RPS6KA2: variants seen among roughly 807,000 people sequenced by gnomAD.
RPS6KA2 encodes the protein ribosomal protein S6 kinase A2, also known as ribosomal protein S6 kinase alpha-2.
In RPS6KA2, 42 loss-of-function variants were observed where a neutral mutation model predicts 91.8. The ratio of observed to expected loss-of-function variants is 0.46; its 90% CI spans 0.36 to 0.59. RPS6KA2 has a LOEUF of 0.59. Among genes scored for constraint, RPS6KA2 ranks in the 20% least tolerant of loss-of-function variants. The pLI is 0.00. For missense variants in RPS6KA2, 798 were observed against 978.5 expected, an observed-to-expected ratio of 0.82 and a Z score of 2.46; for synonymous variants, 414 against 393.6, an observed-to-expected ratio of 1.05 and a Z score of -0.61.
intron 2 of RPS6KA2, among the ~76,000 whole-genome samples, chr6:166,691,158 T>C (rs2128571151): frequency 6.6e-6 from 1 of 152,254 alleles, no homozygotes; most frequent in East Asian, 1.9e-4. Flanking sequence ...CTTTTATACC[T>C]GACTCTGCCA....
At chr6:166,667,256 C>T (rs1788342168) in intron 2 of RPS6KA2, among the ~76,000 whole-genome samples, 1 of 152,134 alleles carries the variant, frequency 6.6e-6, no homozygotes, top group Non-Finnish European at 1.5e-5. Context: ...TTTAACGTCA[C>T]ATGTTTTACT....
intron 2 of RPS6KA2, among the ~76,000 whole-genome samples, chr6:166,688,616 G>A (rs1187370271): frequency 1.3e-5 from 2 of 152,230 alleles, no homozygotes; most frequent in East Asian, 1.9e-4. Flanking sequence ...GTCACCATGA[G>A]GAGGTGACAT....
chr6:166,697,009 T>C (rs767308490), intron 2 of RPS6KA2, among the ~76,000 whole-genome samples: 1 of 152,182 alleles, frequency 6.6e-6, no homozygotes, highest in South Asian at 2.1e-4. Context: ...TCTGCCTCCA[T>C]AGTTGTACGA....
intron 1 of RPS6KA2, among the ~76,000 whole-genome samples, chr6:166,593,049 T>A (rs1234891154): frequency 1.3e-5 from 2 of 152,058 alleles, no homozygotes. Flanking sequence ...CAGACACCAG[T>A]GAGCAAAAGA....
intron 2 of RPS6KA2, among the ~76,000 whole-genome samples, chr6:166,677,908 T>C (rs1234555801): frequency 6.6e-6 from 1 of 152,232 alleles, no homozygotes; most frequent in Non-Finnish European, 1.5e-5. Flanking sequence ...GCATTTTTTA[T>C]GATAAAACTC....
intron 2 of RPS6KA2, among the ~76,000 whole-genome samples, chr6:166,690,002 G>T (rs752796779): frequency 6.6e-6 from 1 of 152,232 alleles, no homozygotes; most frequent in Non-Finnish European, 1.5e-5. Flanking sequence ...CCCCAAGGAG[G>T]TGGCAGAGCT....
At chr6:166,677,462 G>C (rs1040113579) in intron 2 of RPS6KA2, among the ~76,000 whole-genome samples, 8 of 151,180 alleles carry the variant, frequency 5.3e-5, no homozygotes, top group African/African-American at 1.9e-4. Flanking sequence ...CCAGGCTCAA[G>C]CAACCCTCTT....
chr6:166,707,035 T>C (rs1324034270), intron 2 of RPS6KA2, among the ~76,000 whole-genome samples: 1 of 152,156 alleles, frequency 6.6e-6, no homozygotes, highest in African/African-American at 2.4e-5. Context: ...TAGAACAAAG[T>C]CCAACATACC....
chr6:166,504,370 A>G (rs1463448027), intron 6 of RPS6KA2, 136 bp downstream of exon 6: 10 of 574,952 alleles, frequency 1.7e-5, no homozygotes, highest in Non-Finnish European at 2.7e-5. Flanking sequence ...CTGCCGGCAC[A>G]AGAGTCTCCC....
At chr6:166,806,109 G>T (rs1779487224) in intron 2 of RPS6KA2, among the ~76,000 whole-genome samples, 1 of 152,182 alleles carries the variant, frequency 6.6e-6, no homozygotes, top group Non-Finnish European at 1.5e-5. Context: ...AAATTGAACA[G>T]AGTCTAAGGT....
At chr6:166,503,530 T>A (rs1782094090) in intron 6 of RPS6KA2, among the ~76,000 whole-genome samples, 1 of 152,102 alleles carries the variant, frequency 6.6e-6, no homozygotes, top group African/African-American at 2.4e-5. Flanking sequence ...GGCTCTCTGG[T>A]GGTACCCAAG....
intron 2 of RPS6KA2, among the ~76,000 whole-genome samples, chr6:166,686,297 CCGA>C (rs1288825981): frequency 6.6e-6 from 1 of 152,132 alleles, no homozygotes; most frequent in Non-Finnish European, 1.5e-5. Context: ...GCAAAGCAAC[CCGA>C]CCTCTCCTAC....
intron 2 of RPS6KA2, chr6:166,858,193 T>C (rs1474599309): frequency 6.7e-7 from 1 of 1,483,580 alleles, no homozygotes; most frequent in South Asian, 1.1e-5. Flanking sequence ...AAAACGTGTA[T>C]AGTTACTTCT....
chr6:166,622,623 T>C (rs552202928), intron 1 of RPS6KA2, among the ~76,000 whole-genome samples: 12 of 152,346 alleles, frequency 7.9e-5, no homozygotes, highest in African/African-American at 2.6e-4. Flanking sequence ...TTTTTATCCA[T>C]GACTGGAGCC....
chr6:166,808,567 T>G (rs1425611337), intron 2 of RPS6KA2, among the ~76,000 whole-genome samples: 2 of 152,202 alleles, frequency 1.3e-5, no homozygotes, highest in Non-Finnish European at 2.9e-5. Flanking sequence ...CTGTGCTGAA[T>G]AAATGTCTTA....
Position 166,554,854 on chromosome 6 carries a change from C to T in RPS6KA2, c.100-16070G>A, listed in dbSNP as rs1411877526. On this transcript the variant is annotated intron_variant, in intron 1 of 20. Coordinates refer to ENST00000265678, the MANE Select transcript of RPS6KA2 (RefSeq NM_021135.6). The surrounding 1 kb of genome is among the most constrained non-coding windows in gnomAD (Gnocchi z 4.3). Reference sequence around the variant, plus strand: ...GCAAGTCAGAAATACAGAGATTGCCCACCGCATGAAAAATGTCTCCAGTTT... The same window carrying T: ...GCAAGTCAGAAATACAGAGATTGCCTACCGCATGAAAAATGTCTCCAGTTT... Among the ~76,000 whole-genome samples, 1 of 152,174 alleles carries T rather than the reference C, an allele frequency of 6.6e-6. No individual in the cohort carries two copies. Among genetic ancestry groups the T allele is most frequent in the Non-Finnish European group, 1.5e-5 (1 of 68,030 alleles).
chr6:166,486,018 C>G (rs79659371), intron 10 of RPS6KA2, among the ~76,000 whole-genome samples: 1 of 152,142 alleles, frequency 6.6e-6, no homozygotes, highest in Non-Finnish European at 1.5e-5. Flanking sequence ...CCAGGACCAG[C>G]GAGTGAAGGG....
chr6:166,639,008 T>A lies in RPS6KA2; in HGVS notation c.124-100224A>T, dbSNP rs1453286272. 2.6e-5 allele frequency among the ~76,000 whole-genome samples: 4 copies of A among 152,330 alleles called. No homozygotes were observed. The South Asian group carries it at 6.2e-4, about 24-fold the overall frequency. On this transcript the variant is annotated intron_variant, in intron 2 of 21. Transcript: ENST00000503859. The surrounding 1 kb of genome is among the most constrained non-coding windows in gnomAD (Gnocchi z 4.2). ...AGGAAGAAGAGGGAAAAAACCCTGT[T>A]CTCACCAGGTCGTCACCTATGCAAA...
intron 2 of RPS6KA2, among the ~76,000 whole-genome samples, chr6:166,832,898 A>C (rs544363473): frequency 6.6e-6 from 1 of 152,362 alleles, no homozygotes; most frequent in East Asian, 1.9e-4. Context: ...AGCAAATTTT[A>C]ATTATAATGT....
Sources: allele counts gnomAD v4.1 joint callset (sites outside exome capture counted in the v4.1 genomes callset), GRCh38; gene constraint gnomAD v4.1.1; non-coding constraint Gnocchi (gnomAD v3.1); transcripts MANE v1.5; gene names NCBI Gene and HGNC (gene_info 2026-07-23, HGNC 2026-07-21).